Variants in LPP observed in about 807,000 individuals in gnomAD.
LPP encodes the protein lipoma-preferred partner.
A neutral mutation model predicts 60.4 loss-of-function variants in LPP; 38 were observed. The ratio of observed to expected loss-of-function variants is 0.63; its 90% CI spans 0.49 to 0.83. The LOEUF is 0.83. LPP is among the 40% of genes least tolerant of loss of function. The pLI is 0.00. For synonymous variants in LPP, 328 were observed against 290.8 expected, an observed-to-expected ratio of 1.13 and a Z score of -1.30; for missense variants, 902 against 783.6, an observed-to-expected ratio of 1.15 and a Z score of -1.80.
At chr3:188,338,136 T>G (rs1404945201) in intron 2 of LPP, among the ~76,000 whole-genome samples, 1 of 152,224 alleles carries the variant, frequency 6.6e-6, no homozygotes, top group Non-Finnish European at 1.5e-5. Context: ...TTTCAGTGCC[T>G]CTGATAGATG....
At chr3:188,394,909 T>C (rs1336981742) in intron 3 of LPP, among the ~76,000 whole-genome samples, 1 of 152,174 alleles carries the variant, frequency 6.6e-6, no homozygotes, top group Non-Finnish European at 1.5e-5. Context: ...TCCAATCGTT[T>C]TGCTATTAAA....
intron 6 of LPP, among the ~76,000 whole-genome samples, chr3:188,529,041 A>T (rs909915916): frequency 2.6e-5 from 4 of 152,158 alleles, no homozygotes; most frequent in Admixed American, 1.3e-4. Flanking sequence ...ATCCATTCTA[A>T]TTTTTTTCTA....
At chr3:188,863,488 G>A (rs768862784) in intron 9 of LPP, among the ~76,000 whole-genome samples, 37 of 152,216 alleles carry the variant, frequency 2.4e-4, no homozygotes, top group Non-Finnish European at 4.4e-4. Context: ...GCTCACCTGT[G>A]GAATGAGAGT....
rs185670506 is a variant in LPP, at chr3:188,614,919, T to G, written c.1113+5075T>G. 1.7e-3 allele frequency among the ~76,000 whole-genome samples: 253 copies of G among 152,248 alleles called. 1 individual carries two copies. Among genetic ancestry groups the G allele is most frequent in the African/African-American group, 5.8e-3 (239 of 41,542 alleles). On this transcript the variant is annotated intron_variant, in intron 7 of 11. Transcript: ENST00000617246. ...CAGGCCTGGTGCCTTAGAGCTATAC[T>G]TCCCCATCCCCATCAGTCACATAAA...
At chr3:188,766,389 G>C (rs1489280884) in intron 9 of LPP, among the ~76,000 whole-genome samples, 1 of 92,414 alleles carries the variant, frequency 1.1e-5, no homozygotes, top group African/African-American at 3.5e-5. Flanking sequence ...AAAAAAAAAA[G>C]GTTAAAAATA....
intron 1 of LPP, among the ~76,000 whole-genome samples, chr3:188,174,064 A>G (rs1438276182): frequency 6.6e-6 from 1 of 152,208 alleles, no homozygotes; most frequent in African/African-American, 2.4e-5. Context: ...CACAGCCTGG[A>G]ACGTAGTAGG....
intron 4 of LPP, among the ~76,000 whole-genome samples, chr3:188,441,422 C>T (rs572956476): frequency 2.0e-5 from 3 of 151,828 alleles, no homozygotes; most frequent in Non-Finnish European, 4.4e-5. Flanking sequence ...AATAAAACTG[C>T]AGTGGATGTG....
chr3:188,420,502 GA>G (rs1787506020), intron 4 of LPP, among the ~76,000 whole-genome samples: 1 of 152,150 alleles, frequency 6.6e-6, no homozygotes, highest in Non-Finnish European at 1.5e-5. Flanking sequence ...CACAATCTCA[GA>G]AAAATTAATT....
At chr3:188,866,415 C>G in intron 10 of LPP, 37 bp downstream of exon 10, 1 of 1,394,848 alleles carries the variant, frequency 7.2e-7, no homozygotes, top group East Asian at 2.7e-5. Context: ...CCCTGCCAGT[C>G]CTTTTGGAGT....
intron 2 of LPP, among the ~76,000 whole-genome samples, chr3:188,228,056 C>G (rs941796098): frequency 6.6e-6 from 1 of 152,232 alleles, no homozygotes; most frequent in African/African-American, 2.4e-5. Context: ...CTTTAGCCCC[C>G]CTGTCAGAGA....
intron 3 of LPP, among the ~76,000 whole-genome samples, chr3:188,383,520 T>G (rs1340989166): frequency 6.6e-6 from 1 of 152,214 alleles, no homozygotes; most frequent in Non-Finnish European, 1.5e-5. Context: ...GTCTTTGCAG[T>G]TTCTTCAGTC....
At chr3:188,356,154 G>A (rs1188399210) in intron 3 of LPP, among the ~76,000 whole-genome samples, 1 of 152,088 alleles carries the variant, frequency 6.6e-6, no homozygotes, top group Non-Finnish European at 1.5e-5. Flanking sequence ...GTGCCCATTC[G>A]TTGAACTTGG....
intron 2 of LPP, among the ~76,000 whole-genome samples, chr3:188,235,266 GAGAT>G (rs942371083): frequency 6.6e-6 from 1 of 152,214 alleles, no homozygotes; most frequent in African/African-American, 2.4e-5. Flanking sequence ...TTGGAAGCAA[GAGAT>G]AGATAGTGTG....
At chr3:188,528,988 A>G (rs564760568) in intron 6 of LPP, among the ~76,000 whole-genome samples, 1 of 152,364 alleles carries the variant, frequency 6.6e-6, no homozygotes, top group East Asian at 1.9e-4. Flanking sequence ...TTATGGTAAA[A>G]TACACTTTCG....
rs560523304 is a variant in LPP, at chr3:188,762,915, C to A, written c.1410+2633C>A. On this transcript the variant is annotated intron_variant, in intron 9 of 11. Coordinates refer to ENST00000617246, the MANE Select transcript of LPP (RefSeq NM_001375462.1). ...CAAAGACCCTTGTTCAATATTGATT[C>A]GAGTTCAGCACAGTCCTCAAGCCCT... Among the ~76,000 whole-genome samples the A allele has an allele frequency of 2.6e-5, 4 of 152,124 alleles. No individual in the cohort carries two copies. The South Asian group carries it at 8.3e-4, about 32-fold the overall frequency.
chr3:188,877,210 G>A lies in LPP; in HGVS notation c.*2731G>A, dbSNP rs1264073438. 2 of 175,620 alleles carry A rather than the reference G, an allele frequency of 1.1e-5. No homozygotes were observed. Among genetic ancestry groups the A allele is most frequent in the East Asian group, 9.8e-5 (1 of 10,252 alleles). The allele number at this position is 175,620 out of a possible 1,614,324, so 10.9% of individuals were successfully genotyped here. A position where few individuals can be genotyped will look rare whatever the true frequency, so the allele number is the denominator to read the frequency against. ...CCAAGTCACTCTTTTTTAGTTGCAT[G>A]AAATTTTGCCTGCAACAGAGAGAAA... On this transcript the variant is annotated 3_prime_UTR_variant, in exon 12 of 12. Coordinates refer to ENST00000617246, the MANE Select transcript of LPP (RefSeq NM_001375462.1).
At chr3:188,575,948 T>C (rs1834516403) in intron 6 of LPP, among the ~76,000 whole-genome samples, 1 of 152,056 alleles carries the variant, frequency 6.6e-6, no homozygotes, top group African/African-American at 2.4e-5. Flanking sequence ...GAGCTTTCAG[T>C]AGTGAGTAGA....
At chr3:188,568,861 T>C (rs545985662) in intron 6 of LPP, among the ~76,000 whole-genome samples, 1 of 151,988 alleles carries the variant, frequency 6.6e-6, no homozygotes, top group East Asian at 2.0e-4. Flanking sequence ...TTTGGGACTG[T>C]GTGGGCAGAC....
chr3:188,436,862 T>C (rs965368498), intron 4 of LPP, among the ~76,000 whole-genome samples: 11 of 151,300 alleles, frequency 7.3e-5, no homozygotes, highest in African/African-American at 2.4e-4. Flanking sequence ...GCAGGCAGAG[T>C]GGGGTTGGGG....
Sources: gnomAD v4.1 joint callset for allele counts (sites outside exome capture counted in the v4.1 genomes callset) on GRCh38, gnomAD v4.1.1 for gene constraint, MANE v1.5 for transcripts, NCBI Gene and HGNC (gene_info 2026-07-23, HGNC 2026-07-21) for gene names.